The following DOCK10 variants were observed in gnomAD, a reference collection of about 807,000 sequenced individuals.
The protein encoded by DOCK10 is dedicator of cytokinesis 10, also known as dedicator of cytokinesis protein 10.
DOCK10 carries 145 observed loss-of-function variants against 280.1 expected under a neutral mutation model. The observed-to-expected ratio is 0.52, with a 90% confidence interval of 0.45 to 0.59. The LOEUF (loss-of-function observed/expected upper bound fraction) is 0.59. Among genes scored for constraint, DOCK10 ranks in the 20% least tolerant of loss-of-function variants. DOCK10 has a pLI of 0.00. For missense variants in DOCK10, 2,368 were observed against 2,651.7 expected (o/e 0.89, Z 2.35); for synonymous variants, 915 against 942.2 (o/e 0.97, Z 0.53).
chr2:224,988,614 C>A (rs1202650723), intron 1 of DOCK10, among the ~76,000 whole-genome samples: 1 of 152,112 alleles, frequency 6.6e-6, no homozygotes, highest in East Asian at 1.9e-4. Context: ...ATGTGGCAGG[C>A]GGTAGTGAGG....
At chr2:224,766,896 C>T (rs1457407003) in intron 55 of DOCK10, among the ~76,000 whole-genome samples, 1 of 152,190 alleles carries the variant, frequency 6.6e-6, no homozygotes, top group Non-Finnish European at 1.5e-5. Flanking sequence ...TACTTTACCT[C>T]AACATCTCCA....
chr2:225,016,658 TA>T lies in DOCK10; in HGVS notation c.123+25593del, dbSNP rs368654854. Among the ~76,000 whole-genome samples the T allele has an allele frequency of 1.5e-4, 15 of 98,202 alleles. 1 individual carries two copies. The highest frequency in any genetic ancestry group is 6.7e-4 in the South Asian group (2 of 3,002). The allele number at this position is 98,202 out of a possible 152,430, so 64.4% of individuals were successfully genotyped here. A position where few individuals can be genotyped will look rare whatever the true frequency, so the allele number is the denominator to read the frequency against. On this transcript the variant is annotated intron_variant, in intron 1 of 55. Coordinates refer to ENST00000258390, the MANE Select transcript of DOCK10 (RefSeq NM_014689.3). The stretch of plus-strand genomic sequence containing the variant: ...ATATATCTATGTGCACATAGATACA[TA>T]GATACATATATCTATGTGCACATAG...
chr2:224,949,042 A>G (rs1022633711), intron 1 of DOCK10, among the ~76,000 whole-genome samples: 4 of 152,200 alleles, frequency 2.6e-5, no homozygotes, highest in Non-Finnish European at 5.9e-5. Context: ...ATTGGCAAAA[A>G]GAGGCATCAC....
intron 1 of DOCK10, among the ~76,000 whole-genome samples, chr2:224,973,380 G>C (rs1705205171): frequency 6.6e-6 from 1 of 152,174 alleles, no homozygotes; most frequent in East Asian, 1.9e-4. Context: ...GCCAGGTGGG[G>C]CCAATGTAAT....
At position 224,874,682 on chromosome 2, in the gene DOCK10, T is replaced by C. The variant is rs374467846; in HGVS notation, c.1001A>G (p.His334Arg). 1.2e-5 allele frequency: 19 copies of C among 1,613,810 alleles called. No homozygotes were observed. Among genetic ancestry groups the C allele is most frequent in the Non-Finnish European group, 1.4e-5 (16 of 1,179,834 alleles). Residue 334 changes from histidine (H) to arginine (R), a missense_variant, in exon 9 of 56, where the codon CAC (histidine) becomes CGC (arginine). Around this residue, in one of 2 missense-constraint regions of DOCK10, gnomAD observed 1,209 missense variants for 1,250.9 expected, o/e 0.97. Transcript: ENST00000258390. ...EETDSSENNL[H>R]ADFAKYLTET... ...CTTTATTACCTTTGCAAAGTCTGCG[T>C]GTAGGTTGTTCTCTGAAGAATCTGT...
chr2:224,961,466 CT>C (rs1553623602), intron 1 of DOCK10, among the ~76,000 whole-genome samples: 1 of 48,152 alleles, frequency 2.1e-5, no homozygotes, highest in Non-Finnish European at 4.3e-5. Context: ...TTCTTTCTTT[CT>C]TTTTCTTTCT....
chr2:224,828,520 A>G (rs1228935502), intron 27 of DOCK10, among the ~76,000 whole-genome samples: 1 of 152,186 alleles, frequency 6.6e-6, no homozygotes, highest in African/African-American at 2.4e-5. Context: ...CCAGTGTATC[A>G]AGTTCCCCAG....
intron 4 of DOCK10, among the ~76,000 whole-genome samples, chr2:224,886,888 A>G (rs57868885): frequency 7.0e-6 from 1 of 142,482 alleles, no homozygotes; most frequent in African/African-American, 2.9e-5. Context: ...CACCCCCAAC[A>G]CCCCCCCAAG....
intron 1 of DOCK10, among the ~76,000 whole-genome samples, chr2:225,033,082 C>T (rs560784030): frequency 1.3e-5 from 2 of 152,082 alleles, no homozygotes; most frequent in Non-Finnish European, 2.9e-5. Context: ...GCCTAGCTTC[C>T]CAAATTCTAC....
intron 2 of DOCK10, among the ~76,000 whole-genome samples, chr2:224,917,665 C>T (rs1403588586): frequency 6.6e-6 from 1 of 151,982 alleles, no homozygotes; most frequent in African/African-American, 2.4e-5. Flanking sequence ...TTTCAACTTC[C>T]ATGCTAAATA....
At chr2:224,872,665 G>T (rs1348662921) in intron 11 of DOCK10, among the ~76,000 whole-genome samples, 3 of 152,152 alleles carry the variant, frequency 2.0e-5, no homozygotes, top group Non-Finnish European at 4.4e-5. Context: ...AGTTTCCCTG[G>T]ATCATAAATG....
intron 14 of DOCK10, chr2:224,861,744 T>C (rs1697513005): frequency 6.6e-6 from 1 of 152,168 alleles, no homozygotes; most frequent in Non-Finnish European, 1.5e-5. Context: ...GGCTGTCTTA[T>C]TTGCCACCAC....
At chr2:224,915,516 A>G (rs1268254290) in intron 3 of DOCK10, among the ~76,000 whole-genome samples, 1 of 152,254 alleles carries the variant, frequency 6.6e-6, no homozygotes, top group Non-Finnish European at 1.5e-5. Context: ...TGAACTGAAC[A>G]GTACAACAGA....
At chr2:225,030,233 CAG>C (rs1575175229) in intron 1 of DOCK10, among the ~76,000 whole-genome samples, 1 of 150,662 alleles carries the variant, frequency 6.6e-6, no homozygotes, top group East Asian at 2.0e-4. Flanking sequence ...CTTTAAAAAA[CAG>C]AGCAGAGTCA....
At chr2:224,777,484 T>C (rs1690961358) in intron 51 of DOCK10, among the ~76,000 whole-genome samples, 1 of 152,208 alleles carries the variant, frequency 6.6e-6, no homozygotes, top group Admixed American at 6.5e-5. Flanking sequence ...CTTTCTCCTG[T>C]GCTGGATGCC....
At chr2:224,849,052 C>T (rs1250791290) in intron 19 of DOCK10, among the ~76,000 whole-genome samples, 2 of 152,034 alleles carry the variant, frequency 1.3e-5, no homozygotes, top group Admixed American at 6.5e-5. Flanking sequence ...CTCAGCTTAC[C>T]ACAATCTCCG....
chr2:224,980,350 A>G (rs1280473138), intron 1 of DOCK10, among the ~76,000 whole-genome samples: 2 of 152,206 alleles, frequency 1.3e-5, no homozygotes, highest in Non-Finnish European at 2.9e-5. Context: ...GAAAACAGAA[A>G]ATATTTTCAT....
intron 7 of DOCK10, among the ~76,000 whole-genome samples, chr2:224,876,580 G>A (rs995517976): frequency 1.9e-4 from 29 of 152,238 alleles, no homozygotes; most frequent in Admixed American, 9.1e-4. Context: ...CCAGGTGGGC[G>A]TCTGACCCTA....
At position 224,789,150 on chromosome 2, in the gene DOCK10, GCCATC is replaced by G; in HGVS notation, c.5327_5331del (p.Gly1776AlafsTer11). On this transcript the variant is annotated frameshift_variant, in exon 48 of 56. Coordinates refer to ENST00000258390, the MANE Select transcript of DOCK10 (RefSeq NM_014689.3). LOFTEE classifies it high-confidence loss of function. ...TTTGGTGTAATGCTCAAAAAAGCTG[GCCATC>G]CCATAGAGAACATGCCTTGGGAGGA... 6.2e-7 allele frequency: 1 copy of G among 1,613,132 alleles called. No homozygotes were observed. Among genetic ancestry groups the G allele is most frequent in the Non-Finnish European group, 8.5e-7 (1 of 1,179,398 alleles).
Sources: gnomAD v4.1 joint callset for allele counts (sites outside exome capture counted in the v4.1 genomes callset) on GRCh38, gnomAD v4.1.1 for gene constraint, gnomAD v4.1.1 regional missense constraint, MANE v1.5 for transcripts, NCBI Gene and HGNC (gene_info 2026-07-23, HGNC 2026-07-21) for gene names.